PRKCE: variants seen among roughly 807,000 people sequenced by gnomAD.
PRKCE encodes the protein protein kinase C epsilon type.
In PRKCE, 16 loss-of-function variants were observed where a neutral mutation model predicts 85.4. The ratio of observed to expected loss-of-function variants is 0.19; its 90% CI spans 0.13 to 0.28. The LOEUF is 0.28. Ranked by LOEUF, PRKCE falls within the 10% of genes least tolerant of loss-of-function variation. The pLI is 1.00. For missense variants in PRKCE, 573 were observed against 975.2 expected, an observed-to-expected ratio of 0.59 and a Z score of 5.49; for synonymous variants, 388 against 371.5, an observed-to-expected ratio of 1.04 and a Z score of -0.51.
At chr2:45,859,013 C>A (rs1692920746) in intron 2 of PRKCE, among the ~76,000 whole-genome samples, 2 of 151,010 alleles carry the variant, frequency 1.3e-5, no homozygotes, top group Admixed American at 6.6e-5. Context: ...TGTATTCCAG[C>A]CTGGGCAACA....
chr2:45,885,371 C>G (rs962969658), intron 2 of PRKCE, among the ~76,000 whole-genome samples: 2 of 152,102 alleles, frequency 1.3e-5, no homozygotes, highest in Admixed American at 6.5e-5. Context: ...GAGCAAAGCT[C>G]TCTTCAGAAG....
intron 2 of PRKCE, among the ~76,000 whole-genome samples, chr2:45,903,887 TTTTGTTTG>T (rs561839364): frequency 1.8e-4 from 18 of 102,682 alleles, no homozygotes; most frequent in South Asian, 3.6e-4. Flanking sequence ...GGCAGTTTTT[TTTTGTTTG>T]TTTGTTTGTT....
intron 10 of PRKCE, among the ~76,000 whole-genome samples, chr2:46,013,309 G>A (rs778841576): frequency 6.6e-6 from 1 of 152,230 alleles, no homozygotes; most frequent in Non-Finnish European, 1.5e-5. Context: ...AAGGAAGACA[G>A]TTCTCACGTG....
intron 2 of PRKCE, among the ~76,000 whole-genome samples, chr2:45,929,133 C>G (rs1376707224): frequency 6.6e-6 from 1 of 152,168 alleles, no homozygotes; most frequent in Non-Finnish European, 1.5e-5. Context: ...AGGCTATTTA[C>G]AGACTTGTCA....
At chr2:45,672,148 G>A (rs1231230449) in intron 1 of PRKCE, among the ~76,000 whole-genome samples, 1 of 151,242 alleles carries the variant, frequency 6.6e-6, no homozygotes, top group Non-Finnish European at 1.5e-5. Flanking sequence ...CTGATTCCTA[G>A]TAAGGTACTT....
In PRKCE at chr2:46,123,214, C is replaced by CTTTTTTTT. The variant is rs70937991; in HGVS notation, c.1593-21857_1593-21850dup. Among the ~76,000 whole-genome samples the CTTTTTTTT allele has an allele frequency of 4.6e-3, 127 of 27,362 alleles. 35 individuals are homozygous for CTTTTTTTT. The highest frequency in any genetic ancestry group is 0.014 in the African/African-American group (109 of 7,902). 18.0% of individuals were successfully genotyped at this position (27,362 alleles called of 152,430 possible). ...AAGCTTTACAAAGGAAAACACTTGC[C>CTTTTTTTT]TTTTTTTTTTTTTTTTTTTTTTTTT... On this transcript the variant is annotated intron_variant, in intron 11 of 14. Transcript: ENST00000306156.
chr2:46,160,457 A>C (rs896234243), intron 14 of PRKCE, among the ~76,000 whole-genome samples: 1 of 152,204 alleles, frequency 6.6e-6, no homozygotes, highest in African/African-American at 2.4e-5. Flanking sequence ...GGCGAGGGTC[A>C]TGTTGCAGTC....
intron 1 of PRKCE, among the ~76,000 whole-genome samples, chr2:45,785,960 G>A (rs1482967041): frequency 6.6e-6 from 1 of 152,162 alleles, no homozygotes; most frequent in Non-Finnish European, 1.5e-5. Context: ...TTAGGCACCT[G>A]CTGCTGAGAC....
intron 14 of PRKCE, among the ~76,000 whole-genome samples, chr2:46,172,751 A>G (rs1335385183): frequency 6.6e-6 from 1 of 152,220 alleles, no homozygotes; most frequent in Non-Finnish European, 1.5e-5. Flanking sequence ...TATAGTCACT[A>G]AGTCCAGAGG....
intron 1 of PRKCE, among the ~76,000 whole-genome samples, chr2:45,654,617 C>T (rs1279394341): frequency 6.6e-6 from 1 of 152,224 alleles, no homozygotes; most frequent in Admixed American, 6.5e-5. Flanking sequence ...TTTTATTGTA[C>T]TTGATAACTT....
chr2:46,122,464 G>T (rs528043311), intron 11 of PRKCE, among the ~76,000 whole-genome samples: 1 of 152,280 alleles, frequency 6.6e-6, no homozygotes, highest in East Asian at 1.9e-4. Context: ...CTGACCTCAA[G>T]TGATCCATCC....
intron 6 of PRKCE, among the ~76,000 whole-genome samples, chr2:45,999,909 T>C (rs1704529119): frequency 6.6e-6 from 1 of 152,218 alleles, no homozygotes; most frequent in African/African-American, 2.4e-5. Flanking sequence ...GAAGCTTTCT[T>C]CATTTCTGTT....
intron 1 of PRKCE, among the ~76,000 whole-genome samples, chr2:45,668,499 C>T (rs887688850): frequency 2.0e-5 from 3 of 152,182 alleles, no homozygotes; most frequent in African/African-American, 7.2e-5. Flanking sequence ...TGCTTGTCAT[C>T]TCAGTGGTGT....
At position 45,907,400 on chromosome 2, in the gene PRKCE, C is replaced by T. The variant is rs549863410; in HGVS notation, c.412+64337C>T. ...CAAAAGCCAAGAACATCTGCGAGTC[C>T]TGCATTGCATTTGCTGAATAGCTGT... On this transcript the variant is annotated intron_variant, in intron 2 of 14. Coordinates refer to ENST00000306156, the MANE Select transcript of PRKCE (RefSeq NM_005400.3). The surrounding 1 kb of genome is among the most constrained non-coding windows in gnomAD (Gnocchi z 4.5). 6.6e-6 allele frequency among the ~76,000 whole-genome samples: 1 copy of T among 152,316 alleles called. No individual in the cohort carries two copies. Among genetic ancestry groups the T allele is most frequent in the South Asian group, 2.1e-4 (1 of 4,826 alleles).
chr2:45,847,630 T>C (rs1691904762), intron 2 of PRKCE, among the ~76,000 whole-genome samples: 1 of 152,144 alleles, frequency 6.6e-6, no homozygotes, highest in Non-Finnish European at 1.5e-5. Flanking sequence ...AAAAGGTTGA[T>C]TATGAGACCC....
At chr2:46,044,691 G>A (rs746300341) in intron 10 of PRKCE, among the ~76,000 whole-genome samples, 15 of 152,172 alleles carry the variant, frequency 9.9e-5, no homozygotes, top group Non-Finnish European at 2.2e-4. Flanking sequence ...AATGCTGTGA[G>A]GTCACCACAC....
intron 1 of PRKCE, among the ~76,000 whole-genome samples, chr2:45,757,591 C>T (rs1684117079): frequency 6.6e-6 from 1 of 152,040 alleles, no homozygotes; most frequent in South Asian, 2.1e-4. Flanking sequence ...CATTTGAGCC[C>T]AGGAGTTAGA....
At chr2:46,087,127 CT>C (rs955593890) in intron 11 of PRKCE, among the ~76,000 whole-genome samples, 7 of 149,212 alleles carry the variant, frequency 4.7e-5, no homozygotes, top group African/African-American at 1.7e-4. Flanking sequence ...TTTGCTTCTT[CT>C]TTTTTTATTT....
At chr2:45,949,866 C>G (rs11884014) in intron 2 of PRKCE, among the ~76,000 whole-genome samples, 1 of 146,484 alleles carries the variant, frequency 6.8e-6, no homozygotes, top group African/African-American at 2.5e-5. Context: ...TATTTGATAG[C>G]GAAGCCTTCA....
Sources: allele counts gnomAD v4.1 joint callset (sites outside exome capture counted in the v4.1 genomes callset), GRCh38; gene constraint gnomAD v4.1.1; non-coding constraint Gnocchi (gnomAD v3.1); transcripts MANE v1.5; gene names NCBI Gene and HGNC (gene_info 2026-07-23, HGNC 2026-07-21).